Variants in U2SURP observed in about 807,000 individuals in gnomAD.
The protein encoded by U2SURP is U2 snRNP associated SURP domain containing, also known as U2 snRNP-associated SURP motif-containing protein.
Under a neutral mutation model 144.9 loss-of-function variants are expected in U2SURP, and 9 were observed. The ratio of observed to expected loss-of-function variants is 0.06; its 90% confidence interval spans 0.04 to 0.11. The LOEUF is 0.11. U2SURP is among the 10% of genes least tolerant of loss of function. U2SURP has a pLI of 1.00. For synonymous variants in U2SURP, 408 were observed against 396.8 expected, an observed-to-expected ratio of 1.03 and a Z score of -0.33; for missense variants, 724 against 1,226.7, an observed-to-expected ratio of 0.59 and a Z score of 6.12.
chr3:143,022,726 A>T (rs1245166293), intron 11 of U2SURP, 64 bp downstream of exon 11: 5 of 1,509,626 alleles, frequency 3.3e-6, no homozygotes, highest in Non-Finnish European at 4.4e-6. Flanking sequence ...AAAAGTATTT[A>T]TAAAAACTAG....
chr3:143,023,313 T>C, intron 12 of U2SURP: 1 of 395,344 alleles, frequency 2.5e-6, no homozygotes, highest in Non-Finnish European at 4.5e-6. Flanking sequence ...TTGTCCAGTG[T>C]TGTATCCAGA....
chr3:143,054,004 G>A (rs1935019973), intron 26 of U2SURP, among the ~76,000 whole-genome samples: 1 of 152,092 alleles, frequency 6.6e-6, no homozygotes, highest in Admixed American at 6.5e-5. Flanking sequence ...CCCTTCACAT[G>A]GTTTATATGG....
chr3:143,041,848 T>C (rs936194), intron 23 of U2SURP, among the ~76,000 whole-genome samples: 102,400 of 151,748 alleles, frequency 0.67, 34,763 homozygotes, highest in African/African-American at 0.75. Flanking sequence ...TTCTGGGTTA[T>C]GCCAGTAATG....
intron 3 of U2SURP, among the ~76,000 whole-genome samples, 171 bp from the exon 4 acceptor site, chr3:143,014,138 CAG>C (rs1328507561): frequency 6.6e-6 from 1 of 151,524 alleles, no homozygotes; most frequent in African/African-American, 2.4e-5. Flanking sequence ...TACTTAACAT[CAG>C]AGTCAAGTAA....
Position 143,058,667 on chromosome 3 carries a change from A to C in U2SURP, c.*2217A>C, listed in dbSNP as rs139831543. 6.6e-6 allele frequency: 1 copy of C among 151,972 alleles called. No individual in the cohort carries two copies. Among genetic ancestry groups the C allele is most frequent in the African/African-American group, 2.4e-5 (1 of 41,524 alleles). 9.4% of individuals were successfully genotyped at this position (151,972 alleles called of 1,614,324 possible). ...TAGAGTAAACCTACTTAATACTCCC[A>C]TGGATTCTATGAAAGTTTAATGGGA... On this transcript the variant is annotated 3_prime_UTR_variant, in exon 28 of 28. Coordinates refer to ENST00000473835, the MANE Select transcript of U2SURP (RefSeq NM_001080415.2).
At chr3:143,041,207 A>G (rs183265872) in intron 23 of U2SURP, among the ~76,000 whole-genome samples, 5 of 152,090 alleles carry the variant, frequency 3.3e-5, no homozygotes, top group African/African-American at 9.6e-5. Flanking sequence ...TTCAGTAAAC[A>G]TCCCTGTTTA....
rs180705271 is a variant in U2SURP at position 143,004,721 on chromosome 3, C to G, written c.45+3048C>G. On this transcript the variant is annotated intron_variant, in intron 1 of 27. Coordinates refer to ENST00000473835, the MANE Select transcript of U2SURP (RefSeq NM_001080415.2). ...TCATAATTGTCCCTAATGAAGAGAC[C>G]CCTGTGCACTTTAATTTTCTGTGTA... Among the ~76,000 whole-genome samples the G allele has an allele frequency of 1.3e-3, 194 of 151,970 alleles. 1 individual carries two copies. The highest frequency in any genetic ancestry group is 4.5e-3 in the African/African-American group (187 of 41,434).
intron 16 of U2SURP, 120 bp downstream of exon 16, chr3:143,028,766 A>G (rs990909629): frequency 7.8e-6 from 6 of 766,004 alleles, no homozygotes; most frequent in Admixed American, 7.0e-5. Flanking sequence ...GAATGTTTAA[A>G]ATAGTAACAT....
At chr3:143,008,289 G>A (rs566570503) in intron 1 of U2SURP, among the ~76,000 whole-genome samples, 3 of 152,374 alleles carry the variant, frequency 2.0e-5, no homozygotes, top group Non-Finnish European at 2.9e-5. Flanking sequence ...TAACTATATG[G>A]AAATAGGCAG....
At position 143,058,654 on chromosome 3, in the gene U2SURP, A is replaced by C. The variant is rs1474969079; in HGVS notation, c.*2204A>C. 6.6e-6 allele frequency: 1 copy of C among 151,850 alleles called. No individual in the cohort carries two copies. Among genetic ancestry groups the C allele is most frequent in the Non-Finnish European group, 1.5e-5 (1 of 67,770 alleles). The allele number at this position is 151,850 out of a possible 1,614,324, so 9.4% of individuals were successfully genotyped here. On this transcript the variant is annotated 3_prime_UTR_variant, in exon 28 of 28. Transcript: ENST00000473835. ...ATGACAAATTACCTAGAGTAAACCT[A>C]CTTAATACTCCCATGGATTCTATGA...
intron 26 of U2SURP, 134 bp from the exon 27 acceptor site, chr3:143,054,809 T>G: frequency 1.1e-6 from 1 of 880,654 alleles, no homozygotes; most frequent in Non-Finnish European, 1.6e-6. Flanking sequence ...GGACTTTGAG[T>G]ATTGTTAAAA....
chr3:143,037,464 A>G (rs1933875753), intron 21 of U2SURP, 129 bp downstream of exon 21: 3 of 905,546 alleles, frequency 3.3e-6, no homozygotes, highest in Non-Finnish European at 4.8e-6. Context: ...TAACTTTTCT[A>G]TTTCTGATTT....
At chr3:143,021,619 G>GT in intron 10 of U2SURP, 64 bp downstream of exon 10, 1 of 1,473,116 alleles carries the variant, frequency 6.8e-7, no homozygotes, top group South Asian at 1.2e-5. Flanking sequence ...AGCTTTGTTA[G>GT]TCAAAAAAAA....
chr3:143,033,873 T>G (rs1933652494), intron 18 of U2SURP, among the ~76,000 whole-genome samples: 1 of 152,218 alleles, frequency 6.6e-6, no homozygotes, highest in Non-Finnish European at 1.5e-5. Flanking sequence ...AGATTTTATA[T>G]CATATCACTT....
rs1560194875 is a variant in U2SURP at position 143,036,119 on chromosome 3, T to G, written c.2064+15T>G. ...AGGAAACAGAGGTAGGCAGTCTGTATTTGTCTGGTTGTTTTTAAAATTCGT... is the reference window on the plus strand; with the variant it reads ...AGGAAACAGAGGTAGGCAGTCTGTAGTTGTCTGGTTGTTTTTAAAATTCGT... On this transcript the variant is annotated intron_variant, in intron 20 of 27. Coordinates refer to ENST00000473835, the MANE Select transcript of U2SURP (RefSeq NM_001080415.2). 6.3e-7 allele frequency: 1 copy of G among 1,584,684 alleles called. No individual in the cohort carries two copies. The highest frequency in any genetic ancestry group is 8.5e-7 in the Non-Finnish European group (1 of 1,169,676).
rs371684640 is a variant in U2SURP, at chr3:143,017,018, A to T, written c.570+43A>T. On this transcript the variant is annotated intron_variant, in intron 6 of 27. Transcript: ENST00000473835. ...AATTGACCATTTATGTTCAGAGATG[A>T]CACTGCCAGTGATACTTCCACTGTA... The T allele has an allele frequency of 1.4e-5, 22 of 1,521,994 alleles. No homozygotes were observed. In the African/African-American group the frequency reaches 2.9e-4, roughly 20 times the overall value. 94.3% of individuals were successfully genotyped at this position (1,521,994 alleles called of 1,614,324 possible). A position where few individuals can be genotyped will look rare whatever the true frequency, so the allele number is the denominator to read the frequency against.
At chr3:143,008,189 AGATTATTTAATTTGGT>A (rs1157175129) in intron 1 of U2SURP, among the ~76,000 whole-genome samples, 2 of 152,236 alleles carry the variant, frequency 1.3e-5, no homozygotes, top group Non-Finnish European at 2.9e-5. Flanking sequence ...TTTGTATTAG[AGATTATTTAATTTGGT>A]GAATGGTTAC....
chr3:143,004,746 A>G (rs1357209305), intron 1 of U2SURP, among the ~76,000 whole-genome samples: 1 of 151,932 alleles, frequency 6.6e-6, no homozygotes, highest in Non-Finnish European at 1.5e-5. Flanking sequence ...TTTTCTGTGT[A>G]ATTTTGTTGT....
intron 16 of U2SURP, 140 bp downstream of exon 16, chr3:143,028,786 T>C: frequency 1.4e-6 from 1 of 711,066 alleles, no homozygotes; most frequent in Non-Finnish European, 2.3e-6. Context: ...TCTTTCATCA[T>C]GTGCTTTATA....
Sources: gnomAD v4.1 joint callset for allele counts (sites outside exome capture counted in the v4.1 genomes callset) on GRCh38, gnomAD v4.1.1 for gene constraint, MANE v1.5 for transcripts, NCBI Gene and HGNC (gene_info 2026-07-23, HGNC 2026-07-21) for gene names.